Variants in LGR4 observed in about 807,000 individuals in gnomAD.
The protein encoded by LGR4 is leucine rich repeat containing G protein-coupled receptor 4, also known as leucine-rich repeat-containing G protein-coupled receptor 4.
In LGR4, 44 loss-of-function variants were observed where a neutral mutation model predicts 84.8. That is an observed-to-expected ratio of 0.52 (90% CI 0.41 to 0.67). The LOEUF (loss-of-function observed/expected upper bound fraction) is 0.67, where lower values mean the gene tolerates loss of function less well. Among genes scored for constraint, LGR4 ranks in the 30% least tolerant of loss-of-function variants. The pLI, the probability that LGR4 is intolerant of heterozygous loss-of-function variation, is 0.00. For synonymous variants in LGR4, 429 were observed against 434.3 expected (o/e 0.99, Z 0.15); for missense variants, 1,032 against 1,131.4 (o/e 0.91, Z 1.26).
At chr11:27,399,569 G>C (rs927510801) in intron 2 of LGR4, among the ~76,000 whole-genome samples, 3 of 151,360 alleles carry the variant, frequency 2.0e-5, no homozygotes, top group African/African-American at 4.9e-5. Flanking sequence ...TCCCAGGCTG[G>C]AGTGCAGTGG....
chr11:27,426,710 A>G (rs1054039953), intron 1 of LGR4, among the ~76,000 whole-genome samples: 1 of 152,196 alleles, frequency 6.6e-6, no homozygotes. Context: ...AACCACCAAC[A>G]TGCAATCACC....
At chr11:27,433,042 T>C (rs1034140717) in intron 1 of LGR4, among the ~76,000 whole-genome samples, 3 of 152,246 alleles carry the variant, frequency 2.0e-5, no homozygotes, top group African/African-American at 7.2e-5. Context: ...TTGTATTATG[T>C]AGGCTTTCTT....
intron 1 of LGR4, among the ~76,000 whole-genome samples, chr11:27,436,324 G>T (rs1334918030): frequency 1.8e-5 from 2 of 111,450 alleles, no homozygotes; most frequent in African/African-American, 6.6e-5. Flanking sequence ...AAGAAAGAAA[G>T]AAATAAAAGA....
chr11:27,429,459 G>A (rs1199865183), intron 1 of LGR4, among the ~76,000 whole-genome samples: 1 of 151,634 alleles, frequency 6.6e-6, no homozygotes, highest in Non-Finnish European at 1.5e-5. Context: ...CCCTAGCTTG[G>A]GTGACAGAAC....
chr11:27,416,925 A>G (rs1863830532), intron 1 of LGR4, among the ~76,000 whole-genome samples: 2 of 152,160 alleles, frequency 1.3e-5, no homozygotes, highest in African/African-American at 4.8e-5. Flanking sequence ...TCATGTTTCA[A>G]CAAGGTACCT....
At position 27,377,143 on chromosome 11, in the gene LGR4, C is replaced by A; in HGVS notation, c.1109+15G>T. Reference sequence around the variant, plus strand: ...ATACACCACAACAAAAGGAATAAGTCAAAGACCAACTCACATTTCTTCCAG... The same window carrying A: ...ATACACCACAACAAAAGGAATAAGTAAAAGACCAACTCACATTTCTTCCAG... On this transcript the variant is annotated intron_variant, in intron 12 of 17. Transcript: ENST00000379214. 2.6e-6 allele frequency: 4 copies of A among 1,530,276 alleles called. No homozygotes were observed. The highest frequency in any genetic ancestry group is 1.2e-5 in the South Asian group (1 of 86,174). 94.8% of individuals were successfully genotyped at this position (1,530,276 alleles called of 1,614,324 possible).
At position 27,412,729 on chromosome 11, in the gene LGR4, AG is replaced by A; in HGVS notation, c.257+59del. ...AACATCAGACTTTCTCTGTAGCAAA[AG>A]CTTCCAAAATGAATTGGGGAAAAAG... On this transcript the variant is annotated intron_variant, in intron 2 of 17. Coordinates refer to ENST00000379214, the MANE Select transcript of LGR4 (RefSeq NM_018490.5). 3 of 1,018,504 alleles carry A rather than the reference AG, an allele frequency of 2.9e-6. No individual in the cohort carries two copies. In the South Asian group the frequency reaches 3.8e-5, roughly 13 times the overall value. The allele number at this position is 1,018,504 out of a possible 1,614,324, so 63.1% of individuals were successfully genotyped here. A position where few individuals can be genotyped will look rare whatever the true frequency, so the allele number is the denominator to read the frequency against.
chr11:27,402,319 C>T (rs1399564893), intron 2 of LGR4, among the ~76,000 whole-genome samples: 1 of 152,118 alleles, frequency 6.6e-6, no homozygotes, highest in Admixed American at 6.5e-5. Flanking sequence ...AGAAGGATGA[C>T]CCTTTTCTCC....
At chr11:27,443,531 G>A (rs1389455766) in intron 1 of LGR4, among the ~76,000 whole-genome samples, 3 of 152,196 alleles carry the variant, frequency 2.0e-5, no homozygotes, top group Non-Finnish European at 4.4e-5. Context: ...GGCTGAAGCA[G>A]CTTACAAATG....
rs551355036 is a variant in LGR4 at position 27,407,100 on chromosome 11, T to C, written c.257+5689A>G. On this transcript the variant is annotated intron_variant, in intron 2 of 17. Transcript: ENST00000379214. ...TTAGTTACATACTAACTGTGTTACT[T>C]TGGACAAGCCACTTATCTACTATTG... Among the ~76,000 whole-genome samples, 3 of 152,296 alleles carry C rather than the reference T, an allele frequency of 2.0e-5. No individual in the cohort carries two copies. In the East Asian group the frequency reaches 5.8e-4, roughly 29 times the overall value.
chr11:27,452,135 C>G (rs879632765), intron 1 of LGR4, among the ~76,000 whole-genome samples: 12 of 152,214 alleles, frequency 7.9e-5, no homozygotes, highest in African/African-American at 1.2e-4. Context: ...GACTCTGGCT[C>G]TGCAACCTCA....
chr11:27,372,251 A>G (rs778587893), intron 16 of LGR4, 32 bp downstream of exon 16: 3 of 1,155,178 alleles, frequency 2.6e-6, no homozygotes, highest in Non-Finnish European at 3.9e-6. Context: ...GCCTTAAAGG[A>G]GTGTTCTATT....
chr11:27,431,413 A>G (rs538150745), intron 1 of LGR4, among the ~76,000 whole-genome samples: 1 of 152,328 alleles, frequency 6.6e-6, no homozygotes, highest in South Asian at 2.1e-4. Context: ...TTATGAGGAC[A>G]AAGAGCTAGT....
In LGR4 at chr11:27,472,201, G is replaced by A; in HGVS notation, c.102C>T (p.Ser34=). 7.1e-7 allele frequency: 1 copy of A among 1,400,498 alleles called. No homozygotes were observed. The highest frequency in any genetic ancestry group is 1.5e-5 in the South Asian group (1 of 68,378). The allele number at this position is 1,400,498 out of a possible 1,614,324, so 86.8% of individuals were successfully genotyped here. The change falls in exon 1 of 18, where the codon AGC becomes AGT. Residue 34 remains serine (S), a synonymous_variant. Transcript: ENST00000379214. ...AAPPLCAAPC[S]CDGDRRVDCS... is the part of the protein sequence containing the mutation. ...AGTCCACCCGACGGTCGCCGTCGCA[G>A]CTGCAGGGCGCCGCGCAGAGAGGCG...
rs1400671208 is a variant in LGR4 at position 27,370,759 on chromosome 11, T to TTCTCTGGCA, written c.1579+855_1579+856insTGCCAGAGA. On this transcript the variant is annotated intron_variant, in intron 17 of 17. Coordinates refer to ENST00000379214, the MANE Select transcript of LGR4 (RefSeq NM_018490.5). ...AACCTGTTCCCTTCTCATTGGATCA[T>TTCTCTGGCA]CAGTTCTTTATGTACATTCTCTGGC... 2.0e-5 allele frequency among the ~76,000 whole-genome samples: 3 copies of TTCTCTGGCA among 152,306 alleles called. No homozygotes were observed. In the East Asian group the frequency reaches 5.8e-4, roughly 29 times the overall value.
At chr11:27,387,968 C>A (rs1380595315) in intron 4 of LGR4, among the ~76,000 whole-genome samples, 1 of 152,024 alleles carries the variant, frequency 6.6e-6, no homozygotes, top group African/African-American at 2.4e-5. Context: ...AAAAAGATAG[C>A]CTTAACTTAC....
In LGR4 at chr11:27,399,770, C is replaced by T. The variant is rs113922376; in HGVS notation, c.258-7252G>A. Among the ~76,000 whole-genome samples, 206 of 152,198 alleles carry T rather than the reference C, an allele frequency of 1.4e-3. 1 individual carries two copies. The highest frequency in any genetic ancestry group is 6.0e-3 in the Admixed American group (92 of 15,268). On this transcript the variant is annotated intron_variant, in intron 2 of 17. Transcript: ENST00000379214. ...CTGACCTCAGGTGATCCACCTGCCT[C>T]GGCCTCCCAAAGTGCTGGGATTACA... is the stretch of plus-strand genomic sequence containing the variant.
rs1369389331 is a variant in LGR4, at chr11:27,382,365, ATCTT to A, written c.690-113_690-110del. On this transcript the variant is annotated intron_variant, in intron 6 of 17. Transcript: ENST00000379214. The stretch of plus-strand genomic sequence containing the variant: ...TTTAAATCATATCCTCTGTATGGTA[ATCTT>A]TCTTTATCAACCATATCGTCATTCA... 9 of 666,358 alleles carry A rather than the reference ATCTT, an allele frequency of 1.4e-5. No individual in the cohort carries two copies. The Admixed American group carries it at 1.4e-4, about 10-fold the overall frequency. The allele number at this position is 666,358 out of a possible 1,614,324, so 41.3% of individuals were successfully genotyped here. A position where few individuals can be genotyped will look rare whatever the true frequency, so the allele number is the denominator to read the frequency against.
intron 13 of LGR4, among the ~76,000 whole-genome samples, chr11:27,376,068 C>T (rs1370175194): frequency 2.6e-5 from 4 of 151,898 alleles, no homozygotes; most frequent in Non-Finnish European, 4.4e-5. Context: ...TCTCCACCTC[C>T]AGGGTTCAAG....
Sources: allele counts gnomAD v4.1 joint callset (sites outside exome capture counted in the v4.1 genomes callset), GRCh38; gene constraint gnomAD v4.1.1; transcripts MANE v1.5; gene names NCBI Gene and HGNC (gene_info 2026-07-23, HGNC 2026-07-21).